MCF2L2: variants seen among roughly 807,000 people sequenced by gnomAD.
The protein encoded by MCF2L2 is probable guanine nucleotide exchange factor MCF2L2.
A neutral mutation model predicts 150.2 loss-of-function variants in MCF2L2; 102 were observed. The observed-to-expected ratio is 0.68, with a 90% CI of 0.58 to 0.80. The LOEUF (loss-of-function observed/expected upper bound fraction) is 0.80. Among genes scored for constraint, MCF2L2 ranks in the 30% least tolerant of loss-of-function variants. The probability of loss-of-function intolerance (pLI) is 0.00; values close to 1 mark genes in which losing one functional copy is unlikely to be tolerated. For synonymous variants in MCF2L2, 465 were observed against 491.3 expected (o/e 0.95, Z 0.71); for missense variants, 1,256 against 1,372.8 (o/e 0.91, Z 1.34).
At chr3:183,216,566 ATATATATATATATATTTTTTTTT>A (rs1455306392) in intron 21 of MCF2L2, among the ~76,000 whole-genome samples, 3 of 3,572 alleles carry the variant, frequency 8.4e-4, no homozygotes, top group Non-Finnish European at 1.8e-3. Context: ...ATATATATAT[ATATATATATATATATTTTTTTTT>A]TTTTTTTTTT....
chr3:183,407,808 A>T (rs775808121), intron 1 of MCF2L2, among the ~76,000 whole-genome samples: 5 of 152,194 alleles, frequency 3.3e-5, no homozygotes, highest in Non-Finnish European at 7.3e-5. Flanking sequence ...ATATTGCAAT[A>T]GAAATAAAAT....
chr3:183,295,578 C>A, intron 12 of MCF2L2, 101 bp from the exon 13 acceptor site: 1 of 1,166,512 alleles, frequency 8.6e-7, no homozygotes, highest in Non-Finnish European at 1.3e-6. Flanking sequence ...TCCCCCCATC[C>A]CTACCTCCCT....
Position 183,427,951 on chromosome 3 carries a change from C to T in MCF2L2, c.27G>A (p.Met9Ile), listed in dbSNP as rs1351673598. ...GTCGCCGGGTGAGCTCCTGGGGAGGCATCTCTTCTTTTAAGCAAGACAGCA... is the reference window on the plus strand; with the variant it reads ...GTCGCCGGGTGAGCTCCTGGGGAGGTATCTCTTCTTTTAAGCAAGACAGCA... The part of the protein sequence containing the change: MLSCLKEE[M>I]PPQELTRRLA... The change falls in exon 1 of 30, where the codon ATG (methionine) becomes ATA (isoleucine). Residue 9 changes from methionine to isoleucine, a missense_variant. Physicochemically the swap from Met to Ile is conservative, Grantham distance 10. Coordinates refer to ENST00000328913, the MANE Select transcript of MCF2L2 (RefSeq NM_015078.4). The T allele has an allele frequency of 5.0e-6, 8 of 1,613,866 alleles. No homozygotes were observed. The highest frequency in any genetic ancestry group is 6.8e-6 in the Non-Finnish European group (8 of 1,179,858).
chr3:183,246,327 C>T (rs989470985), intron 15 of MCF2L2, among the ~76,000 whole-genome samples: 1 of 152,138 alleles, frequency 6.6e-6, no homozygotes, highest in African/African-American at 2.4e-5. Flanking sequence ...AATCTCTGTA[C>T]CTATTAAACA....
chr3:183,281,135 A>C lies in MCF2L2; in HGVS notation c.1777-4178T>G, dbSNP rs1355406643. Among the ~76,000 whole-genome samples, 3 of 152,276 alleles carry C rather than the reference A, an allele frequency of 2.0e-5. No individual in the cohort carries two copies. The East Asian group carries it at 5.8e-4, about 29-fold the overall frequency. ...TATGGAAATGAGAAATAAAGTGAAA[A>C]GGTATGTCAAGTAAGAATCAATAAT... On this transcript the variant is annotated intron_variant, in intron 14 of 29. Transcript: ENST00000328913.
intron 3 of MCF2L2, among the ~76,000 whole-genome samples, chr3:183,355,075 ATAT>A (rs910593194): frequency 6.7e-6 from 1 of 150,152 alleles, no homozygotes; most frequent in African/African-American, 2.4e-5. Flanking sequence ...ATTATTCATT[ATAT>A]TATTTATTAT....
chr3:183,406,202 C>T (rs1030260561), intron 1 of MCF2L2, among the ~76,000 whole-genome samples: 3 of 152,206 alleles, frequency 2.0e-5, no homozygotes, highest in Admixed American at 6.5e-5. Flanking sequence ...TACATTCCTA[C>T]CAACAGTGCG....
At chr3:183,327,049 G>A (rs1730072756) in intron 5 of MCF2L2, among the ~76,000 whole-genome samples, 2 of 152,026 alleles carry the variant, frequency 1.3e-5, no homozygotes, top group African/African-American at 2.4e-5. Context: ...TAAATAGGCC[G>A]GGCATGGTGG....
Position 183,179,111 on chromosome 3 carries a change from T to C in MCF2L2, c.*269A>G, listed in dbSNP as rs1329850691. On this transcript the variant is annotated 3_prime_UTR_variant, in exon 30 of 30. Transcript: ENST00000328913. This position sits in a 1 kb window ranked among gnomAD's most constrained non-coding sequence, Gnocchi z 4.2. ...GCAAAGAATTGCCCGGCTCCGAATA[T>C]CGAAGTGCGCGGTCGAGAAGGCGTG... is the stretch of plus-strand genomic sequence containing the variant. The C allele has an allele frequency of 7.9e-6, 3 of 379,946 alleles. No homozygotes were observed. Among genetic ancestry groups the C allele is most frequent in the Non-Finnish European group, 1.4e-5 (3 of 215,768 alleles). The allele number at this position is 379,946 out of a possible 1,614,324, so 23.5% of individuals were successfully genotyped here. A position where few individuals can be genotyped will look rare whatever the true frequency, so the allele number is the denominator to read the frequency against.
intron 18 of MCF2L2, chr3:183,225,470 C>A (rs1723310192): frequency 6.6e-6 from 1 of 152,266 alleles, no homozygotes; most frequent in Middle Eastern, 3.2e-3. Flanking sequence ...GTGCCCAATT[C>A]TCCTAATCTC....
At chr3:183,410,990 G>C (rs1327070715) in intron 1 of MCF2L2, among the ~76,000 whole-genome samples, 1 of 152,150 alleles carries the variant, frequency 6.6e-6, no homozygotes, top group Non-Finnish European at 1.5e-5. Context: ...GAGGCCCAGG[G>C]GGACCTCCTG....
intron 22 of MCF2L2, among the ~76,000 whole-genome samples, chr3:183,210,130 T>G (rs1291788701): frequency 6.6e-6 from 1 of 151,978 alleles, no homozygotes; most frequent in Non-Finnish European, 1.5e-5. Flanking sequence ...AATAAAGAAG[T>G]TGGGAGCTTG....
intron 27 of MCF2L2, chr3:183,180,374 GC>G (rs1721477587): frequency 3.9e-6 from 2 of 516,636 alleles, no homozygotes; most frequent in South Asian, 5.7e-5. Flanking sequence ...CACCGAGAAG[GC>G]GCGTCCACAT....
At chr3:183,225,116 C>T (rs192060238) in intron 18 of MCF2L2, 5 of 152,484 alleles carry the variant, frequency 3.3e-5, no homozygotes, top group Admixed American at 2.6e-4. Flanking sequence ...CATGTCAACA[C>T]AGATGATTCC....
chr3:183,218,180 G>C (rs894131629), intron 21 of MCF2L2, among the ~76,000 whole-genome samples: 2 of 152,216 alleles, frequency 1.3e-5, no homozygotes, highest in Non-Finnish European at 2.9e-5. Context: ...CTTTGGATGA[G>C]AGACATGAGT....
At chr3:183,233,872 A>G (rs2108675996) in intron 15 of MCF2L2, among the ~76,000 whole-genome samples, 1 of 152,330 alleles carries the variant, frequency 6.6e-6, no homozygotes, top group South Asian at 2.1e-4. Flanking sequence ...TAAATAATAC[A>G]ATTCACATAT....
chr3:183,222,755 C>T (rs757716375), intron 20 of MCF2L2, among the ~76,000 whole-genome samples: 1 of 152,090 alleles, frequency 6.6e-6, no homozygotes, highest in Non-Finnish European at 1.5e-5. Flanking sequence ...ACCTAGAAAA[C>T]CAGCCATGAT....
At chr3:183,304,586 C>T (rs543888054) in intron 10 of MCF2L2, among the ~76,000 whole-genome samples, 2 of 151,480 alleles carry the variant, frequency 1.3e-5, no homozygotes, top group Non-Finnish European at 2.9e-5. Flanking sequence ...CTCCCTCAGC[C>T]TCCCGAGTAG....
Position 183,253,905 on chromosome 3 carries a change from T to G in MCF2L2, c.1863-22888A>C, listed in dbSNP as rs1724754792. 3 of 152,172 alleles carry G rather than the reference T, an allele frequency of 2.0e-5. No homozygotes were observed. The South Asian group carries it at 6.2e-4, about 32-fold the overall frequency. 9.4% of individuals were successfully genotyped at this position (152,172 alleles called of 1,614,324 possible). On this transcript the variant is annotated intron_variant, in intron 15 of 29. Transcript: ENST00000328913. ...CCGAGGCCTCTCTGGGTGGGAGTGT[T>G]GGCTTCCTTTCCGGATCGCTAAATG...
Sources: gnomAD v4.1 joint callset for allele counts (sites outside exome capture counted in the v4.1 genomes callset) on GRCh38, gnomAD v4.1.1 for gene constraint, Gnocchi (gnomAD v3.1) non-coding constraint, MANE v1.5 for transcripts, NCBI Gene and HGNC (gene_info 2026-07-23, HGNC 2026-07-21) for gene names.